TENT2: variants seen among roughly 807,000 people sequenced by gnomAD.
TENT2 encodes poly(A) RNA polymerase GLD2.
TENT2 carries 44 observed loss-of-function variants against 72.2 expected under a neutral mutation model. That is an observed-to-expected ratio of 0.61 (90% CI 0.48 to 0.78). TENT2 has a LOEUF of 0.78. Ranked by LOEUF, TENT2 falls within the 30% of genes least tolerant of loss-of-function variation. The pLI, the probability that TENT2 is intolerant of heterozygous loss-of-function variation, is 0.00. For missense variants in TENT2, 541 were observed against 569.6 expected, an observed-to-expected ratio of 0.95 and a Z score of 0.51; for synonymous variants, 212 against 192.5, an observed-to-expected ratio of 1.10 and a Z score of -0.84.
intron 7 of TENT2, 75 bp downstream of exon 7, chr5:79,642,985 G>A: frequency 6.5e-7 from 1 of 1,543,704 alleles, no homozygotes; most frequent in South Asian, 1.2e-5. Context: ...ATTATCTTCT[G>A]GTAAGAACTG....
At chr5:79,658,915 C>T (rs1304403046) in intron 11 of TENT2, among the ~76,000 whole-genome samples, 2 of 151,974 alleles carry the variant, frequency 1.3e-5, no homozygotes. Flanking sequence ...TACCTCTGGC[C>T]CTATGCTTTC....
intron 1 of TENT2, chr5:79,615,255 G>A (rs1463006983): frequency 6.6e-6 from 1 of 152,180 alleles, no homozygotes; most frequent in Non-Finnish European, 1.5e-5. Context: ...GGATTTGGCT[G>A]TGTAAGAGAT....
At chr5:79,629,321 G>C (rs1773126522) in intron 4 of TENT2, among the ~76,000 whole-genome samples, 1 of 152,180 alleles carries the variant, frequency 6.6e-6, no homozygotes, top group Admixed American at 6.5e-5. Flanking sequence ...TATATGTTTG[G>C]AGTTCAGAAG....
At chr5:79,654,742 TGACAGAG>T (rs1310471552) in intron 10 of TENT2, among the ~76,000 whole-genome samples, 1 of 151,578 alleles carries the variant, frequency 6.6e-6, no homozygotes, top group Non-Finnish European at 1.5e-5. Flanking sequence ...CCAGCCTGGG[TGACAGAG>T]CGAGACCCTG....
chr5:79,658,202 G>GTT (rs1799287345), intron 11 of TENT2, among the ~76,000 whole-genome samples: 2 of 151,966 alleles, frequency 1.3e-5, no homozygotes. Flanking sequence ...TTTTAAACTA[G>GTT]TTTCTGCTAT....
At chr5:79,681,701 A>G (rs1459866433) in intron 13 of TENT2, 1 of 228,160 alleles carries the variant, frequency 4.4e-6, no homozygotes, top group Non-Finnish European at 8.5e-6. Flanking sequence ...ATTTTTCAGA[A>G]ACCTTATCCA....
chr5:79,625,623 T>C (rs1208898402), intron 4 of TENT2, among the ~76,000 whole-genome samples: 3 of 152,136 alleles, frequency 2.0e-5, no homozygotes, highest in South Asian at 2.1e-4. Flanking sequence ...GAGTCAATTT[T>C]TGTATATGAT....
At chr5:79,660,286 C>T (rs1313125654) in intron 11 of TENT2, among the ~76,000 whole-genome samples, 2 of 151,934 alleles carry the variant, frequency 1.3e-5, no homozygotes, top group South Asian at 2.1e-4. Flanking sequence ...TGGAGGGGTA[C>T]GTTATTCAGT....
intron 4 of TENT2, among the ~76,000 whole-genome samples, chr5:79,626,880 C>T (rs1472664087): frequency 6.6e-6 from 1 of 151,862 alleles, no homozygotes; most frequent in East Asian, 2.0e-4. Flanking sequence ...GCCTGTAATC[C>T]CAGCACTTTG....
At chr5:79,676,268 A>G (rs1284673191) in intron 12 of TENT2, among the ~76,000 whole-genome samples, 1 of 151,912 alleles carries the variant, frequency 6.6e-6, no homozygotes, top group Non-Finnish European at 1.5e-5. Flanking sequence ...CAGCATTTCC[A>G]GTTTAATCAG....
At chr5:79,668,592 G>GGT in intron 11 of TENT2, 1 of 241,410 alleles carries the variant, frequency 4.1e-6, no homozygotes, top group Non-Finnish European at 8.1e-6. Flanking sequence ...GGTAGATCTT[G>GGT]GTTTGTATAG....
At chr5:79,620,809 C>CT (rs1234146282) in intron 3 of TENT2, among the ~76,000 whole-genome samples, 2 of 152,092 alleles carry the variant, frequency 1.3e-5, no homozygotes, top group African/African-American at 2.4e-5. Flanking sequence ...TTCTAGTAAA[C>CT]TTTATGTTTT....
chr5:79,668,863 A>G, intron 11 of TENT2, 29 bp from the exon 12 acceptor site: 1 of 1,593,216 alleles, frequency 6.3e-7, no homozygotes, highest in South Asian at 1.1e-5. Flanking sequence ...AAATGGCTTT[A>G]CATTTTTTCC....
Position 79,623,495 on chromosome 5 carries a change from A to G in TENT2, c.465+6A>G, listed in dbSNP as rs1299999403. ...TGCCTGAGGCCAAAGATAAGGTAATAATAATGTAGATTTTAGTTTTGCCTT... is the reference window on the plus strand; with the variant it reads ...TGCCTGAGGCCAAAGATAAGGTAATGATAATGTAGATTTTAGTTTTGCCTT... On this transcript the variant is annotated splice_donor_region_variant and intron_variant, in intron 4 of 14. Coordinates refer to ENST00000453514, the MANE Select transcript of TENT2 (RefSeq NM_001114394.3). The G allele has an allele frequency of 6.5e-7, 1 of 1,548,196 alleles. No individual in the cohort carries two copies. The highest frequency in any genetic ancestry group is 2.0e-5 in the Admixed American group (1 of 50,204).
At chr5:79,615,360 AT>A (rs1758831911) in intron 1 of TENT2, among the ~76,000 whole-genome samples, 1 of 152,188 alleles carries the variant, frequency 6.6e-6, no homozygotes, top group Admixed American at 6.5e-5. Context: ...AAAACAGCAT[AT>A]TTTTTATAGG....
At chr5:79,647,517 C>T (rs1269191534) in intron 8 of TENT2, among the ~76,000 whole-genome samples, 7 of 152,078 alleles carry the variant, frequency 4.6e-5, no homozygotes, top group Non-Finnish European at 8.8e-5. Flanking sequence ...AGCCAAATAA[C>T]GTATAATATC....
At position 79,656,940 on chromosome 5, in the gene TENT2, AACTT is replaced by A; in HGVS notation, c.1028-17_1028-14del. ...AGTCACGTGAATCACGGAAGCTTTA[AACTT>A]TTTCTTTTTATAGCCCTACCTGAAC... On this transcript the variant is annotated splice_polypyrimidine_tract_variant and intron_variant, in intron 10 of 14. Transcript: ENST00000453514. 1 of 1,592,782 alleles carries A rather than the reference AACTT, an allele frequency of 6.3e-7. No individual in the cohort carries two copies. The highest frequency in any genetic ancestry group is 8.6e-7 in the Non-Finnish European group (1 of 1,167,336).
chr5:79,682,113 T>A, intron 14 of TENT2, 52 bp downstream of exon 14: 1 of 1,350,520 alleles, frequency 7.4e-7, no homozygotes, highest in Non-Finnish European at 1.0e-6. Context: ...TAGTATGCTT[T>A]AAACAGGAAA....
chr5:79,685,951 G>A lies in TENT2; in HGVS notation c.*678G>A, dbSNP rs928523135. 6.6e-6 allele frequency: 1 copy of A among 152,578 alleles called. No homozygotes were observed. The highest frequency in any genetic ancestry group is 1.5e-5 in the Non-Finnish European group (1 of 68,032). 9.5% of individuals were successfully genotyped at this position (152,578 alleles called of 1,614,324 possible). A position where few individuals can be genotyped will look rare whatever the true frequency, so the allele number is the denominator to read the frequency against. On this transcript the variant is annotated 3_prime_UTR_variant, in exon 15 of 15. Coordinates refer to ENST00000453514, the MANE Select transcript of TENT2 (RefSeq NM_001114394.3). ...TACATTTTGCACTGTAGTAATGGGA[G>A]CACTAACTCTTACAACAGTTAGTGA...
Sources: allele counts gnomAD v4.1 joint callset (sites outside exome capture counted in the v4.1 genomes callset), GRCh38; gene constraint gnomAD v4.1.1; transcripts MANE v1.5; gene names NCBI Gene and HGNC (gene_info 2026-07-23, HGNC 2026-07-21).